The following CD99L2 variants were observed in gnomAD, a reference collection of about 807,000 sequenced individuals.
CD99L2 encodes CD99 antigen-like protein 2.
A neutral mutation model predicts 27.3 loss-of-function variants in CD99L2; 24 were observed. That is an observed-to-expected ratio of 0.88 (90% CI 0.64 to 1.24). The LOEUF is 1.24. CD99L2 is among the 50% of genes most tolerant of loss of function. CD99L2 has a pLI of 0.00. For missense variants in CD99L2, 255 were observed against 221.6 expected, an observed-to-expected ratio of 1.15 and a Z score of -0.96; for synonymous variants, 97 against 87.9, an observed-to-expected ratio of 1.10 and a Z score of -0.58.
At chrX:150,805,580 T>G (rs781885967) in intron 4 of CD99L2, among the ~76,000 whole-genome samples, 1 of 110,892 alleles carries the variant, frequency 9.0e-6, no homozygotes, top group Non-Finnish European at 1.9e-5. Context: ...AAATGAAGAG[T>G]CATATTCACA....
rs1557419304 is a variant in CD99L2, at chrX:150,777,476, CCAT to C, written c.500_502del (p.Asp167del). 8 of 1,211,251 alleles carry C rather than the reference CCAT, an allele frequency of 6.6e-6. No individual in the cohort carries two copies. In the South Asian group the frequency reaches 1.4e-4, roughly 21 times the overall value. On this transcript the variant is annotated inframe_deletion, in exon 8 of 11. Coordinates refer to ENST00000370377, the MANE Select transcript of CD99L2 (RefSeq NM_031462.4). ...AGGGTCGTCATTGCTGCCGTACCGG[CCAT>C]CACCTGAAGAAAAGACAAAAGCACT...
At chrX:150,795,354 C>T in intron 5 of CD99L2, 64 bp downstream of exon 5, 2 of 1,206,896 alleles carry the variant, frequency 1.7e-6, no homozygotes, top group Middle Eastern at 2.3e-4. Context: ...TCATTTGGAT[C>T]CTGTCTCAGA....
intron 2 of CD99L2, among the ~76,000 whole-genome samples, chrX:150,826,110 T>C (rs1224854689): frequency 8.9e-6 from 1 of 111,752 alleles, no homozygotes; most frequent in East Asian, 2.8e-4. Flanking sequence ...TTTTGCCCCT[T>C]CTGCCATGTG....
chrX:150,895,306 A>G (rs1286743154), intron 1 of CD99L2, among the ~76,000 whole-genome samples: 1 of 111,803 alleles, frequency 8.9e-6, no homozygotes, highest in Non-Finnish European at 1.9e-5. Context: ...CAGGCAGCAT[A>G]CCTGTCCTCA....
intron 1 of CD99L2, among the ~76,000 whole-genome samples, chrX:150,880,746 C>G (rs946016351): frequency 1.3e-4 from 14 of 111,385 alleles, no homozygotes; most frequent in African/African-American, 4.6e-4. Flanking sequence ...GAAATTAATC[C>G]TCTACACAAA....
At chrX:150,800,165 C>G (rs187079708) in intron 4 of CD99L2, among the ~76,000 whole-genome samples, 9 of 112,013 alleles carry the variant, frequency 8.0e-5, no homozygotes, top group Non-Finnish European at 1.3e-4. Flanking sequence ...ATAAGAGGTA[C>G]CTAGAATGGG....
rs1557419689 is a variant in CD99L2 at position 150,790,446 on chromosome X, A to C, written c.496+3245T>G. ...GACAAATGAATCTAACTCCATTATA[A>C]ATGGGTGGCATTACTGTACTGAATG... On this transcript the variant is annotated intron_variant, in intron 7 of 10. Transcript: ENST00000370377. 2.7e-5 allele frequency among the ~76,000 whole-genome samples: 3 copies of C among 111,029 alleles called. No homozygotes were observed. In the Admixed American group the frequency reaches 2.9e-4, roughly 11 times the overall value.
chrX:150,892,175 C>A (rs1335136979), intron 1 of CD99L2, among the ~76,000 whole-genome samples: 1 of 109,400 alleles, frequency 9.1e-6, no homozygotes, highest in Admixed American at 9.8e-5. Context: ...GAGCCAAGAT[C>A]GCGCCATTGC....
Position 150,768,729 on chromosome X carries a change from G to A in CD99L2, c.*305C>T, listed in dbSNP as rs991015529. The stretch of plus-strand genomic sequence containing the variant: ...AGGCCTCAGCATCATCTTGGCCCCC[G>A]CATCCTGTGCTCAGTAAAGCTGGAG... On this transcript the variant is annotated 3_prime_UTR_variant, in exon 11 of 11. Coordinates refer to ENST00000370377, the MANE Select transcript of CD99L2 (RefSeq NM_031462.4). The A allele has an allele frequency of 1.2e-5, 4 of 332,208 alleles. No individual in the cohort carries two copies. The highest frequency in any genetic ancestry group is 2.7e-5 in the African/African-American group (1 of 36,783). 27.4% of individuals were successfully genotyped at this position (332,208 alleles called of 1,213,427 possible).
intron 7 of CD99L2, among the ~76,000 whole-genome samples, chrX:150,785,324 C>T (rs1182275644): frequency 9.0e-6 from 1 of 111,077 alleles, no homozygotes; most frequent in Non-Finnish European, 1.9e-5. Flanking sequence ...TTGCAGTGAA[C>T]ACCCAAATTC....
chrX:150,802,826 C>G (rs782758893), intron 4 of CD99L2, among the ~76,000 whole-genome samples: 18 of 102,643 alleles, frequency 1.8e-4, no homozygotes, highest in African/African-American at 6.0e-4. Context: ...CGTGATCTGC[C>G]CGCCTTGGCC....
intron 2 of CD99L2, among the ~76,000 whole-genome samples, chrX:150,820,384 C>G (rs2046227924): frequency 9.0e-6 from 1 of 111,599 alleles, no homozygotes; most frequent in African/African-American, 3.2e-5. Context: ...CCATTTTGTT[C>G]TGCTTACTTC....
intron 4 of CD99L2, among the ~76,000 whole-genome samples, chrX:150,800,551 G>A (rs1328291157): frequency 9.0e-6 from 1 of 111,551 alleles, no homozygotes; most frequent in Admixed American, 9.5e-5. Context: ...ATATGTGTAG[G>A]TTACATGCAA....
rs144826707 is a variant in CD99L2, at chrX:150,888,752, G to A, written c.67+9770C>T. On this transcript the variant is annotated intron_variant, in intron 1 of 10. Transcript: ENST00000370377. ...CCTTGCTATAAGGAAGCTCAAACCAGAGAGGCCACATTTGGGTGTTCCAGT... is the reference window on the plus strand; with the variant it reads ...CCTTGCTATAAGGAAGCTCAAACCAAAGAGGCCACATTTGGGTGTTCCAGT... Among the ~76,000 whole-genome samples the A allele has an allele frequency of 5.1e-3, 576 of 112,000 alleles. 7 individuals carry two copies. Among genetic ancestry groups the A allele is most frequent in the Middle Eastern group, 9.2e-3 (2 of 217 alleles).
At chrX:150,851,805 C>G (rs1171817619) in intron 1 of CD99L2, among the ~76,000 whole-genome samples, 1 of 111,982 alleles carries the variant, frequency 8.9e-6, no homozygotes, top group Non-Finnish European at 1.9e-5. Flanking sequence ...TCTATAATCA[C>G]ATCTACCTCC....
intron 2 of CD99L2, among the ~76,000 whole-genome samples, chrX:150,818,073 G>A (rs2124191030): frequency 1.3e-5 from 1 of 79,332 alleles, no homozygotes; most frequent in East Asian, 3.3e-4. Context: ...AAATATATAT[G>A]CACCTAACAA....
chrX:150,864,468 G>A (rs1557421985), intron 1 of CD99L2, among the ~76,000 whole-genome samples: 1 of 112,440 alleles, frequency 8.9e-6, no homozygotes, highest in African/African-American at 3.2e-5. Context: ...GGGCCCTATT[G>A]GTGGGAGTAT....
intron 10 of CD99L2, 108 bp from the exon 11 acceptor site, chrX:150,769,209 C>T (rs1160521685): frequency 4.3e-6 from 4 of 938,529 alleles, no homozygotes; most frequent in African/African-American, 4.2e-5. Context: ...CCCTTTGTAT[C>T]CCCTGGGGGG....
intron 7 of CD99L2, among the ~76,000 whole-genome samples, chrX:150,784,561 A>G (rs2045564832): frequency 8.9e-6 from 1 of 112,156 alleles, no homozygotes; most frequent in African/African-American, 3.2e-5. Flanking sequence ...CCAGCTAGCG[A>G]TGTGGTGGGC....
Sources: gnomAD v4.1 joint callset for allele counts (sites outside exome capture counted in the v4.1 genomes callset) on GRCh38, gnomAD v4.1.1 for gene constraint, MANE v1.5 for transcripts, NCBI Gene and HGNC (gene_info 2026-07-23, HGNC 2026-07-21) for gene names.